The following TBXAS1 variants were observed in gnomAD, a reference collection of about 807,000 sequenced individuals.
TBXAS1 encodes the protein thromboxane-A synthase.
Under a neutral mutation model 60.7 loss-of-function variants are expected in TBXAS1, and 48 were observed. That is an observed-to-expected ratio of 0.79 (90% CI 0.63 to 1.01). The LOEUF is 1.01. TBXAS1 is among the 50% of genes least tolerant of loss of function. TBXAS1 has a pLI of 0.00. For synonymous variants in TBXAS1, 287 were observed against 269.7 expected, an observed-to-expected ratio of 1.06 and a Z score of -0.63; for missense variants, 685 against 686.3, an observed-to-expected ratio of 1.00 and a Z score of 0.02.
intron 6 of TBXAS1, among the ~76,000 whole-genome samples, 180 bp from the exon 7 acceptor site, chr7:139,955,279 C>T (rs781389338): frequency 6.6e-6 from 1 of 152,108 alleles, no homozygotes; most frequent in Non-Finnish European, 1.5e-5. Context: ...TCAGAGTGCC[C>T]CATCCAGGAG....
At chr7:139,806,242 G>GTTATTATT (rs1797873367) in intron 4 of TBXAS1, among the ~76,000 whole-genome samples, 1 of 125,940 alleles carries the variant, frequency 7.9e-6, no homozygotes, top group African/African-American at 3.1e-5. Context: ...CCTGGCCTAT[G>GTTATTATT]TTATTTTATT....
intron 9 of TBXAS1, among the ~76,000 whole-genome samples, chr7:139,979,727 CAATAATAAT>C (rs58553105): frequency 0.03 from 4,174 of 139,708 alleles, 88 homozygotes; most frequent in African/African-American, 0.061. Context: ...GATTCCATCT[CAATAATAAT>C]AATAATAATA....
chr7:140,006,307 C>T (rs1366925582), intron 9 of TBXAS1, among the ~76,000 whole-genome samples: 3 of 152,262 alleles, frequency 2.0e-5, no homozygotes, highest in East Asian at 1.9e-4. Context: ...CTCATGGGCA[C>T]GTGTTCATCT....
chr7:139,834,987 A>C (rs532384058), intron 1 of TBXAS1, among the ~76,000 whole-genome samples: 4 of 152,256 alleles, frequency 2.6e-5, no homozygotes, highest in Admixed American at 2.0e-4. Flanking sequence ...TATCACCCCA[A>C]TACCAAAACT....
At chr7:139,891,613 T>C (rs889482168) in intron 3 of TBXAS1, among the ~76,000 whole-genome samples, 1 of 152,194 alleles carries the variant, frequency 6.6e-6, no homozygotes, top group Non-Finnish European at 1.5e-5. Flanking sequence ...CATAATTATT[T>C]GTTGGTTGAC....
chr7:139,797,850 A>G (rs1444790192), intron 4 of TBXAS1, among the ~76,000 whole-genome samples: 2 of 152,202 alleles, frequency 1.3e-5, no homozygotes, highest in Non-Finnish European at 2.9e-5. Context: ...CCAGCCATGG[A>G]TCTGGCCACA....
chr7:139,904,648 T>TA (rs1236951076), intron 3 of TBXAS1, among the ~76,000 whole-genome samples: 1 of 152,216 alleles, frequency 6.6e-6, no homozygotes, highest in Non-Finnish European at 1.5e-5. Flanking sequence ...GTTTTCCTTG[T>TA]AGAGTTCTTT....
At chr7:139,881,032 T>C (rs1802652296) in intron 3 of TBXAS1, among the ~76,000 whole-genome samples, 1 of 152,234 alleles carries the variant, frequency 6.6e-6, no homozygotes, top group Non-Finnish European at 1.5e-5. Context: ...TTTCTCTAAT[T>C]ATGAGCAAGT....
intron 3 of TBXAS1, among the ~76,000 whole-genome samples, chr7:139,890,102 G>A (rs977174153): frequency 4.6e-5 from 7 of 152,038 alleles, no homozygotes; most frequent in African/African-American, 1.7e-4. Flanking sequence ...TTGTTACATG[G>A]GGAATAGCAA....
chr7:140,016,242 G>A (rs1175652376), intron 11 of TBXAS1: 3 of 342,078 alleles, frequency 8.8e-6, no homozygotes, highest in South Asian at 2.5e-5. Context: ...GCAGGAGAAT[G>A]GCGTGAACCC....
intron 3 of TBXAS1, among the ~76,000 whole-genome samples, chr7:139,783,440 G>A (rs536596093): frequency 1.7e-4 from 26 of 152,170 alleles, no homozygotes; most frequent in Middle Eastern, 6.8e-3. Context: ...TGGAGGTTGC[G>A]GGAATGGCAG....
At chr7:139,805,744 T>TG (rs1797855747) in intron 4 of TBXAS1, among the ~76,000 whole-genome samples, 1 of 139,854 alleles carries the variant, frequency 7.2e-6, no homozygotes, top group Non-Finnish European at 1.6e-5. Context: ...CTTTCTTTCT[T>TG]TCTTTCTTTC....
At chr7:139,820,795 C>A (rs912538144) in intron 4 of TBXAS1, among the ~76,000 whole-genome samples, 2 of 152,106 alleles carry the variant, frequency 1.3e-5, no homozygotes, top group East Asian at 1.9e-4. Context: ...CATGCGCACC[C>A]AGCACAGTGC....
upstream of TBXAS1, among the ~76,000 whole-genome samples, chr7:139,827,363 G>A (rs1226161202): frequency 1.3e-5 from 2 of 152,166 alleles, no homozygotes; most frequent in African/African-American, 4.8e-5. Flanking sequence ...TATGTGTCAG[G>A]TGAGTCTCCT....
chr7:139,861,034 C>T (rs2116717998), intron 1 of TBXAS1, among the ~76,000 whole-genome samples: 2 of 151,946 alleles, frequency 1.3e-5, no homozygotes, highest in South Asian at 2.1e-4. Flanking sequence ...AATAGCTGGG[C>T]GTGGTGGCAC....
chr7:139,904,541 T>C (rs577482968), intron 3 of TBXAS1, among the ~76,000 whole-genome samples: 2 of 152,220 alleles, frequency 1.3e-5, no homozygotes, highest in Non-Finnish European at 2.9e-5. Context: ...TTTGGCAGTA[T>C]GATCATTTTC....
chr7:139,810,198 T>G (rs1361235145), intron 4 of TBXAS1, among the ~76,000 whole-genome samples: 2 of 152,016 alleles, frequency 1.3e-5, no homozygotes, highest in Non-Finnish European at 2.9e-5. Flanking sequence ...CACCAATGCC[T>G]GACTTTTTTT....
At chr7:139,913,780 G>C (rs1488138652) in intron 4 of TBXAS1, 1 of 152,326 alleles carries the variant, frequency 6.6e-6, no homozygotes. Flanking sequence ...ACAGGATTAA[G>C]CCTTCAGGAC....
chr7:139,844,939 A>AG (rs1416654940), intron 1 of TBXAS1, among the ~76,000 whole-genome samples: 1 of 152,150 alleles, frequency 6.6e-6, no homozygotes, highest in Non-Finnish European at 1.5e-5. Flanking sequence ...TTGGTGAGAG[A>AG]GGGCTGGGAC....
Sources: gnomAD v4.1 joint callset for allele counts (sites outside exome capture counted in the v4.1 genomes callset) on GRCh38, gnomAD v4.1.1 for gene constraint, MANE v1.5 for transcripts, NCBI Gene and HGNC (gene_info 2026-07-23, HGNC 2026-07-21) for gene names.